The following ANK1 variants were observed in gnomAD, a reference collection of about 807,000 sequenced individuals.
ANK1 encodes the protein ankyrin-1.
In ANK1, 51 loss-of-function variants were observed where a neutral mutation model predicts 210.4. The observed-to-expected ratio is 0.24, with a 90% CI of 0.19 to 0.31. The LOEUF is 0.31. Ranked by LOEUF, ANK1 falls within the 10% of genes least tolerant of loss-of-function variation. The pLI is 1.00. For synonymous variants in ANK1, 967 were observed against 1,025.9 expected, an observed-to-expected ratio of 0.94 and a Z score of 1.10; for missense variants, 2,051 against 2,504.4, an observed-to-expected ratio of 0.82 and a Z score of 3.86.
chr8:41,756,744 T>C (rs1007904021), intron 2 of ANK1, among the ~76,000 whole-genome samples: 1 of 152,170 alleles, frequency 6.6e-6, no homozygotes, highest in Non-Finnish European at 1.5e-5. Flanking sequence ...CACCGGATAG[T>C]ATTTTGCATT....
intron 13 of ANK1, 81 bp downstream of exon 13, chr8:41,716,872 C>A (rs902621983): frequency 1.4e-6 from 2 of 1,422,526 alleles, no homozygotes; most frequent in Non-Finnish European, 9.9e-7. Flanking sequence ...TGCAGCCCCG[C>A]CTGGAATGAG....
At chr8:41,812,411 G>A (rs1802630915) in intron 1 of ANK1, among the ~76,000 whole-genome samples, 1 of 152,208 alleles carries the variant, frequency 6.6e-6, no homozygotes, top group African/African-American at 2.4e-5. Flanking sequence ...AGGGCCTGGG[G>A]CCTCCAGGAG....
chr8:41,857,663 G>C (rs548857168), intron 1 of ANK1, among the ~76,000 whole-genome samples: 1 of 151,674 alleles, frequency 6.6e-6, no homozygotes, highest in Non-Finnish European at 1.5e-5. Context: ...ACTTGAACCC[G>C]GGAGGCTGAG....
chr8:41,668,716 G>A (rs545772200), intron 38 of ANK1, 152 bp from the exon 39 acceptor site: 3 of 863,748 alleles, frequency 3.5e-6, no homozygotes, highest in Non-Finnish European at 5.2e-6. Context: ...CAAAGGTCAG[G>A]GGCGCATGAG....
intron 1 of ANK1, among the ~76,000 whole-genome samples, chr8:41,838,145 C>A (rs544419026): frequency 1.3e-5 from 2 of 152,286 alleles, no homozygotes; most frequent in South Asian, 4.1e-4. Context: ...CTCCAGACAC[C>A]CATCCCCTCA....
chr8:41,889,648 C>A (rs1356314985), intron 1 of ANK1, among the ~76,000 whole-genome samples: 1 of 152,068 alleles, frequency 6.6e-6, no homozygotes, highest in Non-Finnish European at 1.5e-5. Context: ...CTTTGTGCAC[C>A]CAAGATCCAG....
At chr8:41,812,802 C>A (rs1027430871) in intron 1 of ANK1, among the ~76,000 whole-genome samples, 1 of 152,126 alleles carries the variant, frequency 6.6e-6, no homozygotes, top group African/African-American at 2.4e-5. Context: ...GAGTGCGCAA[C>A]CTAGATCCCT....
In ANK1 at chr8:41,660,673, A is replaced by G. The variant is rs550372911; in HGVS notation, c.*36+757T>C. ...TGCCCCATGCTCACACACATGCACC[A>G]CAGCCCAGGCCCCGGCCCCAACCCT... On this transcript the variant is annotated intron_variant, in intron 42 of 42. Coordinates refer to ENST00000289734, the MANE Select transcript of ANK1 (RefSeq NM_000037.4). 3.3e-5 allele frequency among the ~76,000 whole-genome samples: 5 copies of G among 152,278 alleles called. No individual in the cohort carries two copies. In the South Asian group the frequency reaches 1.0e-3, roughly 32 times the overall value.
chr8:41,847,682 G>A (rs1359282507), intron 1 of ANK1, among the ~76,000 whole-genome samples: 1 of 152,174 alleles, frequency 6.6e-6, no homozygotes, highest in African/African-American at 2.4e-5. Context: ...TAGGAATATA[G>A]TCTTCTTGTG....
Position 41,725,883 on chromosome 8 carries a change from T to A in ANK1, c.490A>T (p.Ile164Phe), listed in dbSNP as rs756648808. The A allele has an allele frequency of 6.2e-7, 1 of 1,613,520 alleles. No individual in the cohort carries two copies. The highest frequency in any genetic ancestry group is 8.5e-7 in the Non-Finnish European group (1 of 1,179,948). ...QGHENVVAHLINYGTKGKVRL... is the reference protein window; with the variant it reads ...QGHENVVAHLFNYGTKGKVRL... ...ACCTTCCCCTTGGTGCCGTAGTTGATGAGGTGCGCGACGACGTTCTCATGG... is the reference window on the plus strand; with the variant it reads ...ACCTTCCCCTTGGTGCCGTAGTTGAAGAGGTGCGCGACGACGTTCTCATGG... Residue 164 changes from isoleucine (I) to phenylalanine (F), a missense_variant, in exon 6 of 43, where the codon ATC (isoleucine) becomes TTC (phenylalanine). Transcript: ENST00000289734.
rs886062935 is a variant in ANK1 at position 41,654,863 on chromosome 8, TGA to T, written c.*925_*926del. On this transcript the variant is annotated 3_prime_UTR_variant, in exon 43 of 43. Transcript: ENST00000289734. Reference sequence around the variant, plus strand: ...GTCAGCCACCGGCCTGTCCCCCAACTGAGAGAGGAGACCCTTTCAGATGGGGT... The same window carrying T: ...GTCAGCCACCGGCCTGTCCCCCAACTGAGAGGAGACCCTTTCAGATGGGGT... 1 of 152,612 alleles carries T rather than the reference TGA, an allele frequency of 6.6e-6. No individual in the cohort carries two copies. Among genetic ancestry groups the T allele is most frequent in the Non-Finnish European group, 1.5e-5 (1 of 68,046 alleles). 9.5% of individuals were successfully genotyped at this position (152,612 alleles called of 1,614,324 possible).
At chr8:41,817,960 A>G (rs766210105) in intron 1 of ANK1, among the ~76,000 whole-genome samples, 1 of 152,238 alleles carries the variant, frequency 6.6e-6, no homozygotes, top group Non-Finnish European at 1.5e-5. Flanking sequence ...CCAGCTGCCA[A>G]TGGGCTGCAC....
In ANK1 at chr8:41,698,417, T is replaced by C. The variant is rs542713954; in HGVS notation, c.2559-296A>G. 2.0e-5 allele frequency among the ~76,000 whole-genome samples: 3 copies of C among 152,356 alleles called. No individual in the cohort carries two copies. The South Asian group carries it at 6.2e-4, about 32-fold the overall frequency. On this transcript the variant is annotated intron_variant, in intron 23 of 42. Transcript: ENST00000289734. ...TGGTGTGCATTTCGATCCCACCAAA[T>C]GAGTCCGTAAGTTGCTTACGGTCAG... is the stretch of plus-strand genomic sequence containing the variant.
At chr8:41,894,230 A>C (rs1230545913) in intron 1 of ANK1, among the ~76,000 whole-genome samples, 1 of 152,248 alleles carries the variant, frequency 6.6e-6, no homozygotes, top group South Asian at 2.1e-4. Context: ...TTTTCTTATC[A>C]TTATATTAAT....
chr8:41,837,039 GAGC>G (rs1295487652), intron 1 of ANK1, among the ~76,000 whole-genome samples: 2 of 152,180 alleles, frequency 1.3e-5, no homozygotes, highest in African/African-American at 4.8e-5. Context: ...CAAGGGCAAT[GAGC>G]ATTGGTTAAA....
chr8:41,882,968 C>T (rs1363772598), intron 1 of ANK1, among the ~76,000 whole-genome samples: 1 of 152,208 alleles, frequency 6.6e-6, no homozygotes, highest in Non-Finnish European at 1.5e-5. Flanking sequence ...AGGTGCTCTC[C>T]GCCCTCCCCA....
chr8:41,797,766 C>T, upstream of ANK1: 1 of 569,964 alleles, frequency 1.8e-6, no homozygotes, highest in Non-Finnish European at 2.9e-6. The surrounding 1 kb of genome is among the most constrained non-coding windows in gnomAD (Gnocchi z 4.0). Flanking sequence ...CACCTCCTCC[C>T]CCAACCCCAG....
chr8:41,836,906 T>C (rs1042178369), intron 1 of ANK1, among the ~76,000 whole-genome samples: 8 of 137,490 alleles, frequency 5.8e-5, no homozygotes, highest in African/African-American at 2.2e-4. Flanking sequence ...GGCAACAGAG[T>C]AAGAAGCTAT....
At chr8:41,771,893 A>G (rs748187370) in intron 1 of ANK1, among the ~76,000 whole-genome samples, 1 of 152,174 alleles carries the variant, frequency 6.6e-6, no homozygotes. Flanking sequence ...GCTGCTGTCA[A>G]TTCCTGCAGG....
Sources: allele counts gnomAD v4.1 joint callset (sites outside exome capture counted in the v4.1 genomes callset), GRCh38; gene constraint gnomAD v4.1.1; non-coding constraint Gnocchi (gnomAD v3.1); transcripts MANE v1.5; gene names NCBI Gene and HGNC (gene_info 2026-07-23, HGNC 2026-07-21).